GALNT10: variants seen among roughly 807,000 people sequenced by gnomAD.
GALNT10 encodes the protein polypeptide N-acetylgalactosaminyltransferase 10.
GALNT10 carries 41 observed loss-of-function variants against 75.0 expected under a neutral mutation model. That is an observed-to-expected ratio of 0.55 (90% CI 0.43 to 0.71). The LOEUF (loss-of-function observed/expected upper bound fraction) is 0.71. Among genes scored for constraint, GALNT10 ranks in the 30% least tolerant of loss-of-function variants. The probability of loss-of-function intolerance (pLI) is 0.00; values close to 1 mark genes in which losing one functional copy is unlikely to be tolerated. For synonymous variants in GALNT10, 302 were observed against 313.0 expected, an observed-to-expected ratio of 0.96 and a Z score of 0.37; for missense variants, 727 against 818.5, an observed-to-expected ratio of 0.89 and a Z score of 1.36.
intron 1 of GALNT10, among the ~76,000 whole-genome samples, chr5:154,198,551 G>A (rs1015944923): frequency 2.0e-5 from 3 of 152,226 alleles, no homozygotes; most frequent in Non-Finnish European, 2.9e-5. Flanking sequence ...AGCCAGGTGG[G>A]TGCAGTCTCT....
At chr5:154,386,674 G>A in intron 7 of GALNT10, 1 of 585,296 alleles carries the variant, frequency 1.7e-6, no homozygotes, top group Non-Finnish European at 3.0e-6. Context: ...AGCTCTGACT[G>A]GCATTTGCCT....
At chr5:154,293,613 A>ATTTTTTTTTTTTGTTTTTTTTTT (rs1201863629) in intron 1 of GALNT10, among the ~76,000 whole-genome samples, 1 of 109,360 alleles carries the variant, frequency 9.1e-6, no homozygotes, top group Non-Finnish European at 1.9e-5. Flanking sequence ...ATATATATAT[A>ATTTTTTTTTTTTGTTTTTTTTTT]TTTTTTTTTT....
intron 4 of GALNT10, among the ~76,000 whole-genome samples, chr5:154,332,446 A>G (rs1420482436): frequency 1.3e-5 from 2 of 151,894 alleles, no homozygotes; most frequent in South Asian, 2.1e-4. Flanking sequence ...CTCTGCCTGA[A>G]CGCCCTCTTC....
intron 4 of GALNT10, chr5:154,337,646 A>G: frequency 1.0e-6 from 1 of 988,324 alleles, no homozygotes; most frequent in South Asian, 1.3e-5. Flanking sequence ...TGCCAAAATC[A>G]TTGTAGCTTC....
At chr5:154,330,704 A>G (rs1169422589) in intron 4 of GALNT10, among the ~76,000 whole-genome samples, 1 of 152,204 alleles carries the variant, frequency 6.6e-6, no homozygotes, top group Admixed American at 6.5e-5. Context: ...GCTTTCACCA[A>G]TTGCAGCAAA....
chr5:154,351,899 T>C (rs1249107577), intron 4 of GALNT10, among the ~76,000 whole-genome samples: 18 of 152,248 alleles, frequency 1.2e-4, no homozygotes, highest in Admixed American at 1.2e-3. Context: ...CACAGTGTAA[T>C]TCAATGGCTA....
At chr5:154,322,536 G>A (rs7700992) in intron 3 of GALNT10, among the ~76,000 whole-genome samples, 2,015 of 152,192 alleles carry the variant, frequency 0.013, 41 homozygotes, top group African/African-American at 0.047. Context: ...TGCTACATAA[G>A]GTACACATGT....
intron 3 of GALNT10, among the ~76,000 whole-genome samples, chr5:154,302,129 C>T (rs934479507): frequency 1.3e-5 from 2 of 152,258 alleles, no homozygotes; most frequent in African/African-American, 4.8e-5. Flanking sequence ...TCGAGCCGCT[C>T]ACTCCATTCA....
chr5:154,315,657 G>GGATTGTTTAGGGCAGA (rs1414928140), intron 3 of GALNT10, among the ~76,000 whole-genome samples: 3 of 152,240 alleles, frequency 2.0e-5, no homozygotes, highest in Non-Finnish European at 4.4e-5. Flanking sequence ...TGGCGGCCCT[G>GGATTGTTTAGGGCAGA]AGTCAGAGTT....
Position 154,368,718 on chromosome 5 carries a change from G to C in GALNT10, c.569-7559G>C, listed in dbSNP as rs377220372. The stretch of plus-strand genomic sequence containing the variant: ...TCCAAACAGTAAATGATGCTTAAAT[G>C]CCTGTGCATTTCACCTGCCAAAACC... On this transcript the variant is annotated intron_variant, in intron 4 of 11. Transcript: ENST00000297107. Among the ~76,000 whole-genome samples, 7 of 152,314 alleles carry C rather than the reference G, an allele frequency of 4.6e-5. No individual in the cohort carries two copies. The South Asian group carries it at 1.2e-3, about 27-fold the overall frequency.
intron 4 of GALNT10, among the ~76,000 whole-genome samples, chr5:154,359,074 A>G (rs1487454939): frequency 1.3e-5 from 2 of 152,110 alleles, no homozygotes; most frequent in Non-Finnish European, 2.9e-5. Context: ...GGCCATTAGT[A>G]TTTGTGTTGT....
At chr5:154,196,143 G>A (rs374379371) in intron 1 of GALNT10, among the ~76,000 whole-genome samples, 261 of 152,206 alleles carry the variant, frequency 1.7e-3, no homozygotes, top group Non-Finnish European at 3.3e-3. Context: ...GGCTGGTCTC[G>A]AACTCCCGAC....
intron 4 of GALNT10, among the ~76,000 whole-genome samples, chr5:154,353,405 G>T (rs1561669512): frequency 6.6e-6 from 1 of 152,162 alleles, no homozygotes; most frequent in Non-Finnish European, 1.5e-5. Context: ...CAGAGGAGTG[G>T]AGCAAAGCTG....
chr5:154,369,667 A>G (rs955637859), intron 4 of GALNT10, among the ~76,000 whole-genome samples: 1 of 152,192 alleles, frequency 6.6e-6, no homozygotes, highest in South Asian at 2.1e-4. Context: ...CTATCCCAGG[A>G]AACAGATGAA....
chr5:154,299,555 C>A (rs562619406), intron 3 of GALNT10, among the ~76,000 whole-genome samples: 77 of 152,358 alleles, frequency 5.1e-4, no homozygotes, highest in Non-Finnish European at 5.3e-4. Context: ...AGATCTCAAT[C>A]AGTAGAATGC....
At chr5:154,404,256 G>T in intron 8 of GALNT10, 45 bp downstream of exon 8, 1 of 1,244,750 alleles carries the variant, frequency 8.0e-7, no homozygotes, top group South Asian at 1.4e-5. Flanking sequence ...GTTGGCCTAG[G>T]ACCATCAGCT....
rs200260010 is a variant in GALNT10 at position 154,328,806 on chromosome 5, A to G, written c.402-766A>G. On this transcript the variant is annotated intron_variant, in intron 3 of 11. Transcript: ENST00000297107. ...CAGAACTCAGGGGAACACGTTTACC[A>G]GTTTATTATGAAGGATATTAGAAAG... Among the ~76,000 whole-genome samples, 5 of 152,178 alleles carry G rather than the reference A, an allele frequency of 3.3e-5. No homozygotes were observed. The East Asian group carries it at 9.6e-4, about 29-fold the overall frequency.
chr5:154,224,778 C>CTTTTTTTTT (rs549615789), intron 1 of GALNT10, among the ~76,000 whole-genome samples: 2 of 117,586 alleles, frequency 1.7e-5, no homozygotes, highest in African/African-American at 3.1e-5. Context: ...AAGCTCACTT[C>CTTTTTTTTT]TTTTTTTTTT....
At chr5:154,214,440 G>A (rs1752833322) in intron 1 of GALNT10, among the ~76,000 whole-genome samples, 1 of 151,990 alleles carries the variant, frequency 6.6e-6, no homozygotes, top group South Asian at 2.1e-4. Flanking sequence ...CTCATCACCG[G>A]TGGGAATGAT....
Sources: gnomAD v4.1 joint callset for allele counts (sites outside exome capture counted in the v4.1 genomes callset) on GRCh38, gnomAD v4.1.1 for gene constraint, MANE v1.5 for transcripts, NCBI Gene and HGNC (gene_info 2026-07-23, HGNC 2026-07-21) for gene names.